Variants in SLMAP observed in about 807,000 individuals in gnomAD.
SLMAP encodes sarcolemmal membrane-associated protein.
A neutral mutation model predicts 128.8 loss-of-function variants in SLMAP; 44 were observed. That is an observed-to-expected ratio of 0.34 (90% CI 0.27 to 0.44). SLMAP has a LOEUF of 0.44. SLMAP is among the 20% of genes least tolerant of loss of function. The pLI is 1.00. For missense variants in SLMAP, 787 were observed against 985.3 expected, an observed-to-expected ratio of 0.80 and a Z score of 2.69; for synonymous variants, 327 against 348.8, an observed-to-expected ratio of 0.94 and a Z score of 0.70.
intron 15 of SLMAP, chr3:57,890,918 T>C (rs150661560): frequency 1.3e-5 from 2 of 152,234 alleles, no homozygotes; most frequent in Non-Finnish European, 2.9e-5. Context: ...TTTTTAACCA[T>C]GTAAGAGGAT....
At chr3:57,765,536 A>T (rs981557179) in intron 2 of SLMAP, among the ~76,000 whole-genome samples, 2 of 152,228 alleles carry the variant, frequency 1.3e-5, no homozygotes, top group African/African-American at 4.8e-5. Flanking sequence ...GAATTTGACA[A>T]CCAAGATTGT....
At position 57,831,508 on chromosome 3, in the gene SLMAP, C is replaced by G; in HGVS notation, c.324C>G (p.Asp108Glu). The change falls in exon 3 of 25, where the codon GAC (aspartate) becomes GAG (glutamate). Residue 108 changes from aspartate (D) to glutamate (E), a missense_variant. Asp to Glu is a conservative substitution (Grantham distance 45, BLOSUM62 2). Around this residue, in one of 2 missense-constraint regions of SLMAP, gnomAD observed 72 missense variants for 141.8 expected, o/e 0.51. Coordinates refer to ENST00000671191, the MANE Select transcript of SLMAP (RefSeq NM_001377540.1). ...GTGACATTATCCAGTTTGGAGTAGA[C>G]GTGACAGAGAATACACGGAAAGGTA... ...LSGDIIQFGV[D>E]VTENTRKVTH... The G allele has an allele frequency of 6.4e-7, 1 of 1,566,930 alleles. No individual in the cohort carries two copies. Among genetic ancestry groups the G allele is most frequent in the Non-Finnish European group, 8.6e-7 (1 of 1,156,372 alleles).
At chr3:57,852,302 A>G (rs1317765190) in intron 6 of SLMAP, among the ~76,000 whole-genome samples, 1 of 152,214 alleles carries the variant, frequency 6.6e-6, no homozygotes, top group Non-Finnish European at 1.5e-5. Context: ...AAAATTATCA[A>G]TGTATTAATC....
intron 23 of SLMAP, among the ~76,000 whole-genome samples, chr3:57,925,167 C>T (rs534938938): frequency 1.3e-5 from 2 of 151,954 alleles, no homozygotes; most frequent in East Asian, 3.9e-4. Context: ...GTGGTCCAGG[C>T]TGGTCTCAAA....
At chr3:57,837,429 C>T (rs553320852) in intron 3 of SLMAP, among the ~76,000 whole-genome samples, 2 of 152,268 alleles carry the variant, frequency 1.3e-5, no homozygotes, top group African/African-American at 2.4e-5. Flanking sequence ...AGTGCAGTGG[C>T]ACGATTTCGG....
chr3:57,922,158 A>T (rs1421135438), intron 22 of SLMAP, among the ~76,000 whole-genome samples: 1 of 152,204 alleles, frequency 6.6e-6, no homozygotes, highest in Non-Finnish European at 1.5e-5. Context: ...TTGGGAATTA[A>T]TACTTTTTAC....
chr3:57,871,944 G>C (rs2095489416), intron 14 of SLMAP, among the ~76,000 whole-genome samples: 1 of 152,184 alleles, frequency 6.6e-6, no homozygotes, highest in African/African-American at 2.4e-5. Flanking sequence ...AAACTTTCAA[G>C]CTTGTTAAAT....
In SLMAP at chr3:57,850,092, C is replaced by T. The variant is rs111705287; in HGVS notation, c.519+276C>T. Among the ~76,000 whole-genome samples the T allele has an allele frequency of 3.2e-3, 488 of 152,216 alleles. 3 individuals carry two copies. Among genetic ancestry groups the T allele is most frequent in the African/African-American group, 0.011 (466 of 41,518 alleles). On this transcript the variant is annotated intron_variant, in intron 6 of 24. Coordinates refer to ENST00000671191, the MANE Select transcript of SLMAP (RefSeq NM_001377540.1). ...TTGGGAGGTGGAGGTGAGAGGATTA[C>T]TTGAGCCCAGGGGGTCGAGGCTGCA...
intron 14 of SLMAP, among the ~76,000 whole-genome samples, chr3:57,887,243 T>C (rs1241876482): frequency 6.6e-6 from 1 of 152,058 alleles, no homozygotes; most frequent in Admixed American, 6.5e-5. Flanking sequence ...AGATTTTTTT[T>C]TTTTTTTTTG....
At chr3:57,920,871 G>C (rs535632580) in intron 22 of SLMAP, among the ~76,000 whole-genome samples, 1 of 152,218 alleles carries the variant, frequency 6.6e-6, no homozygotes, top group Admixed American at 6.5e-5. Context: ...AAAAAAATTA[G>C]CCAGGCATGG....
In SLMAP at chr3:57,800,979, C is replaced by G. The variant is rs552286941; in HGVS notation, c.199-30404C>G. ...TTGGCATACATATGCATTGATCCTA[C>G]TTTTCCTTTAGCACAACCTCCTCTT... On this transcript the variant is annotated intron_variant, in intron 2 of 24. Coordinates refer to ENST00000671191, the MANE Select transcript of SLMAP (RefSeq NM_001377540.1). The G allele has an allele frequency of 1.0e-5, 3 of 286,302 alleles. No individual in the cohort carries two copies. In the South Asian group the frequency reaches 1.3e-4, roughly 12 times the overall value. The allele number at this position is 286,302 out of a possible 1,614,324, so 17.7% of individuals were successfully genotyped here.
At chr3:57,864,362 T>C (rs2095231285) in intron 10 of SLMAP, among the ~76,000 whole-genome samples, 186 bp from the exon 11 acceptor site, 1 of 150,114 alleles carries the variant, frequency 6.7e-6, no homozygotes, top group Non-Finnish European at 1.5e-5. Flanking sequence ...GCAACAAGAG[T>C]GAAACTCCAT....
intron 17 of SLMAP, among the ~76,000 whole-genome samples, chr3:57,906,907 G>A (rs1049203992): frequency 6.6e-6 from 1 of 151,790 alleles, no homozygotes; most frequent in Admixed American, 6.6e-5. Flanking sequence ...AGAATGATTG[G>A]AGAGGAAGGA....
intron 14 of SLMAP, 24 bp downstream of exon 14, chr3:57,871,722 T>C: frequency 6.4e-7 from 1 of 1,564,092 alleles, no homozygotes; most frequent in Non-Finnish European, 8.8e-7. Flanking sequence ...ATTTTTCACA[T>C]TGATTTTAAT....
chr3:57,798,205 T>A (rs189840441), intron 2 of SLMAP, among the ~76,000 whole-genome samples: 54 of 152,336 alleles, frequency 3.5e-4, no homozygotes, highest in Non-Finnish European at 6.8e-4. Flanking sequence ...TTGTCTGTCA[T>A]TTGAAAGTTT....
At chr3:57,854,364 G>A (rs908605431) in intron 6 of SLMAP, among the ~76,000 whole-genome samples, 5 of 151,864 alleles carry the variant, frequency 3.3e-5, no homozygotes, top group South Asian at 2.1e-4. Flanking sequence ...TTGGGAGGCC[G>A]AGGCAGGCAG....
Position 57,920,114 on chromosome 3 carries a change from G to C in SLMAP, c.2311-2775G>C, listed in dbSNP as rs144757155. On this transcript the variant is annotated intron_variant, in intron 22 of 24. Transcript: ENST00000671191. ...CTTTATTAGTCCCTGTTAAGAATCA[G>C]ATCATGGGTCATTGAGAATTTATTA... Among the ~76,000 whole-genome samples the C allele has an allele frequency of 4.6e-5, 7 of 152,352 alleles. No homozygotes were observed. In the East Asian group the frequency reaches 1.4e-3, roughly 29 times the overall value.
chr3:57,901,647 A>AGTG (rs2153666356), intron 17 of SLMAP: 1 of 152,396 alleles, frequency 6.6e-6, no homozygotes, highest in Non-Finnish European at 1.5e-5. Flanking sequence ...AAGATTCTAC[A>AGTG]GGACATACAA....
chr3:57,889,966 A>G (rs2096013614), intron 14 of SLMAP, 75 bp from the exon 15 acceptor site: 5 of 986,560 alleles, frequency 5.1e-6, no homozygotes, highest in Non-Finnish European at 8.1e-6. Context: ...TGGTCATGGA[A>G]TGTGTTACAC....
Sources: gnomAD v4.1 joint callset for allele counts (sites outside exome capture counted in the v4.1 genomes callset) on GRCh38, gnomAD v4.1.1 for gene constraint, gnomAD v4.1.1 regional missense constraint, MANE v1.5 for transcripts, NCBI Gene and HGNC (gene_info 2026-07-23, HGNC 2026-07-21) for gene names.